Variants in SHPRH observed in about 807,000 individuals in gnomAD.
SHPRH encodes E3 ubiquitin-protein ligase SHPRH.
Under a neutral mutation model 202.5 loss-of-function variants are expected in SHPRH, and 106 were observed. The ratio of observed to expected loss-of-function variants is 0.52; its 90% confidence interval spans 0.45 to 0.62. The LOEUF (loss-of-function observed/expected upper bound fraction) is 0.62, where lower values mean the gene tolerates loss of function less well. Among genes scored for constraint, SHPRH ranks in the 20% least tolerant of loss-of-function variants. The pLI, the probability that SHPRH is intolerant of heterozygous loss-of-function variation, is 0.00. For synonymous variants in SHPRH, 729 were observed against 686.0 expected (o/e 1.06, Z -0.98); for missense variants, 1,710 against 2,020.0 (o/e 0.85, Z 2.94).
At chr6:145,945,256 G>T in intron 8 of SHPRH, 125 bp downstream of exon 8, 1 of 1,142,914 alleles carries the variant, frequency 8.7e-7, no homozygotes, top group Non-Finnish European at 1.2e-6. Flanking sequence ...ACAGATATAA[G>T]TACTTTTCCT....
At chr6:145,921,108 A>C (rs1220025294) in intron 21 of SHPRH, 59 bp downstream of exon 21, 2 of 1,443,018 alleles carry the variant, frequency 1.4e-6, no homozygotes, top group African/African-American at 2.9e-5. Context: ...AGTAGCAGTT[A>C]AAATTGATGT....
intron 1 of SHPRH, among the ~76,000 whole-genome samples, chr6:145,957,909 C>A (rs1460505708): frequency 1.3e-5 from 2 of 152,146 alleles, no homozygotes; most frequent in Non-Finnish European, 2.9e-5. Flanking sequence ...AAGCCCCAAA[C>A]TGGAAGAAAA....
At position 145,946,292 on chromosome 6, in the gene SHPRH, A is replaced by G. The variant is rs1210623328; in HGVS notation, c.1262T>C (p.Leu421Pro). 1 of 1,608,744 alleles carries G rather than the reference A, an allele frequency of 6.2e-7. No homozygotes were observed. The highest frequency in any genetic ancestry group is 2.2e-5 in the East Asian group (1 of 44,526). ...FIPSHYFGGKLKKTEIQNIEF... is the reference protein window; with the variant it reads ...FIPSHYFGGKPKKTEIQNIEF... ...GATATTCTGGATTTCTGTCTTTTTC[A>G]GTTTTCCTCCAAAATAATGTGACGG... The change falls in exon 7 of 30, where the codon CTG becomes CCG. Residue 421 changes from leucine to proline, a missense_variant. Transcript: ENST00000275233.
At chr6:145,918,707 G>A (rs975650722) in intron 22 of SHPRH, 1 of 152,656 alleles carries the variant, frequency 6.6e-6, no homozygotes, top group East Asian at 1.9e-4. Flanking sequence ...AACTTCTTCA[G>A]AATTCACATT....
At chr6:145,933,305 T>A in intron 13 of SHPRH, 127 bp from the exon 14 acceptor site, 1 of 1,366,866 alleles carries the variant, frequency 7.3e-7, no homozygotes, top group South Asian at 1.6e-5. Context: ...TCTAGCATTT[T>A]TTTTCGCCTC....
intron 1 of SHPRH, among the ~76,000 whole-genome samples, chr6:145,959,824 G>C (rs1224307489): frequency 6.6e-6 from 1 of 152,130 alleles, no homozygotes; most frequent in Non-Finnish European, 1.5e-5. Flanking sequence ...ATCAATCCTT[G>C]GCTATGGTCA....
chr6:145,888,844 G>C (rs1224460397), intron 28 of SHPRH, among the ~76,000 whole-genome samples: 1 of 152,084 alleles, frequency 6.6e-6, no homozygotes, highest in Non-Finnish European at 1.5e-5. Context: ...AAGTAGATTT[G>C]GAATATCTTT....
intron 6 of SHPRH, 120 bp downstream of exon 6, chr6:145,947,373 A>G: frequency 8.7e-7 from 1 of 1,150,502 alleles, no homozygotes; most frequent in South Asian, 1.9e-5. Flanking sequence ...CACTAATATA[A>G]ATCATTACCC....
At chr6:145,929,239 T>C (rs1022101439) in intron 14 of SHPRH, among the ~76,000 whole-genome samples, 1 of 151,994 alleles carries the variant, frequency 6.6e-6, no homozygotes, top group African/African-American at 2.4e-5. Context: ...AGCCACTTGA[T>C]GGCGCTAACA....
At position 145,940,723 on chromosome 6, in the gene SHPRH, C is replaced by A; in HGVS notation, c.2569G>T (p.Asp857Tyr). ...AATATGTGAGGAAACCATACATTACCCTCTAATCCTCTCTGTACTGGAGTG... is the reference window on the plus strand; with the variant it reads ...AATATGTGAGGAAACCATACATTACACTCTAATCCTCTCTGTACTGGAGTG... ...SGTPVQRGLE[D>Y]LFGLVVFLGI... Residue 857 changes from aspartate to tyrosine, a missense_variant and splice_region_variant, in exon 11 of 30, where the codon GAT (aspartate) becomes TAT (tyrosine). By Grantham distance (160) the Asp-to-Tyr change is radical. Transcript: ENST00000275233. 2 of 1,613,076 alleles carry A rather than the reference C, an allele frequency of 1.2e-6. No individual in the cohort carries two copies. Among genetic ancestry groups the A allele is most frequent in the Non-Finnish European group, 8.5e-7 (1 of 1,179,438 alleles).
At chr6:145,887,896 A>G (rs904290174) in intron 29 of SHPRH, 124 bp downstream of exon 29, 1 of 691,146 alleles carries the variant, frequency 1.4e-6, no homozygotes, top group Non-Finnish European at 2.5e-6. Context: ...AAAACGTCAG[A>G]CTTTGCTTTT....
intron 1 of SHPRH, among the ~76,000 whole-genome samples, chr6:145,959,846 A>G (rs542300612): frequency 5.9e-4 from 90 of 152,370 alleles, no homozygotes; most frequent in African/African-American, 2.0e-3. Context: ...CTACTTTTAA[A>G]GCATCTTATC....
Position 145,943,725 on chromosome 6 carries a change from T to A in SHPRH, c.1656A>T (p.Pro552=). The change falls in exon 9 of 30, where the codon CCA becomes CCT. Residue 552 remains proline (P), a synonymous_variant. Coordinates refer to ENST00000275233, the MANE Select transcript of SHPRH (RefSeq NM_001042683.3). ...CATCATCATCATCAGAGGTGTCTGA[T>A]GGCAAGTATTCAGAATCTGTGTCCT... The part of the protein sequence containing the change: ...GNKDTDSEYL[P]SDTSDDDDDP... 1 of 1,611,824 alleles carries A rather than the reference T, an allele frequency of 6.2e-7. No homozygotes were observed. Among genetic ancestry groups the A allele is most frequent in the Non-Finnish European group, 8.5e-7 (1 of 1,178,616 alleles).
chr6:145,913,463 T>C lies in SHPRH; in HGVS notation c.4326+15A>G. 1 of 1,598,882 alleles carries C rather than the reference T, an allele frequency of 6.3e-7. No individual in the cohort carries two copies. The stretch of plus-strand genomic sequence containing the variant: ...GGTATTTTATAAATGCATGTGATGT[T>C]TATCATAATTTTACCTGTTTTCCTA... On this transcript the variant is annotated intron_variant, in intron 24 of 29. Transcript: ENST00000275233.
chr6:145,945,670 A>C (rs761866783), intron 7 of SHPRH, 33 bp from the exon 8 acceptor site: 1 of 1,542,846 alleles, frequency 6.5e-7, no homozygotes, highest in Admixed American at 2.1e-5. Flanking sequence ...AATCAGTCAA[A>C]ATAATTAAAA....
chr6:145,919,136 T>C (rs756189351), intron 22 of SHPRH: 23 of 529,272 alleles, frequency 4.3e-5, no homozygotes, highest in Non-Finnish European at 6.3e-5. Flanking sequence ...TGCCCCAAAA[T>C]AGTGAACACT....
intron 2 of SHPRH, among the ~76,000 whole-genome samples, chr6:145,875,540 G>T (rs921515359): frequency 6.6e-6 from 1 of 152,174 alleles, no homozygotes; most frequent in Admixed American, 6.5e-5. Context: ...TTCTAGAACA[G>T]GGAGAATGTA....
At chr6:145,888,159 C>T (rs373109506) in intron 28 of SHPRH, 59 bp from the exon 29 acceptor site, 94 of 1,272,484 alleles carry the variant, frequency 7.4e-5, no homozygotes, top group Non-Finnish European at 9.4e-5. Context: ...CAGTACAAAC[C>T]GACTTCACAT....
chr6:145,933,264 A>AGCT, intron 13 of SHPRH, 86 bp from the exon 14 acceptor site: 1 of 1,562,050 alleles, frequency 6.4e-7, no homozygotes, highest in Non-Finnish European at 8.7e-7. Context: ...CATGATCAAG[A>AGCT]GTGTATGAGA....
Sources: allele counts gnomAD v4.1 joint callset (sites outside exome capture counted in the v4.1 genomes callset), GRCh38; gene constraint gnomAD v4.1.1; transcripts MANE v1.5; gene names NCBI Gene and HGNC (gene_info 2026-07-23, HGNC 2026-07-21).